The following LEKR1 variants were observed in gnomAD, a reference collection of about 807,000 sequenced individuals.
LEKR1 encodes protein LEKR1.
A neutral mutation model predicts 72.4 loss-of-function variants in LEKR1; 59 were observed. The observed-to-expected ratio is 0.82, with a 90% confidence interval of 0.66 to 1.01. The LOEUF (loss-of-function observed/expected upper bound fraction) is 1.01. LEKR1 is among the 50% of genes least tolerant of loss of function. The probability of loss-of-function intolerance (pLI) is 0.00; values close to 1 mark genes in which losing one functional copy is unlikely to be tolerated. For missense variants in LEKR1, 728 were observed against 759.2 expected (o/e 0.96, Z 0.48); for synonymous variants, 257 against 263.2 (o/e 0.98, Z 0.23).
intron 2 of LEKR1, among the ~76,000 whole-genome samples, chr3:156,850,709 T>C (rs1339077714): frequency 6.6e-6 from 1 of 152,214 alleles, no homozygotes; most frequent in Non-Finnish European, 1.5e-5. Context: ...AGCTTGGGCT[T>C]GGTTCTTCTG....
chr3:157,020,908 G>T (rs1360168836), intron 10 of LEKR1, among the ~76,000 whole-genome samples: 1 of 150,846 alleles, frequency 6.6e-6, no homozygotes, highest in Non-Finnish European at 1.5e-5. Context: ...GTGTAAAAGG[G>T]TTCCTATTTC....
chr3:156,872,140 G>T (rs1255187463), intron 3 of LEKR1, among the ~76,000 whole-genome samples: 3 of 151,590 alleles, frequency 2.0e-5, no homozygotes, highest in African/African-American at 7.3e-5. Flanking sequence ...GGTCTGTTCA[G>T]ATTTTCCATT....
At chr3:156,898,307 C>A (rs532855255) in intron 3 of LEKR1, among the ~76,000 whole-genome samples, 38 of 152,138 alleles carry the variant, frequency 2.5e-4, no homozygotes, top group African/African-American at 8.7e-4. Context: ...TTAAATAAAA[C>A]CCATCTGATG....
chr3:157,035,571 G>A (rs1441461654), intron 12 of LEKR1, among the ~76,000 whole-genome samples: 1 of 152,070 alleles, frequency 6.6e-6, no homozygotes, highest in Non-Finnish European at 1.5e-5. Flanking sequence ...AAAAGAAATT[G>A]GAAGAGCCCC....
chr3:156,932,730 CTA>C (rs1235409915), intron 5 of LEKR1, among the ~76,000 whole-genome samples: 2 of 130,670 alleles, frequency 1.5e-5, no homozygotes, highest in African/African-American at 5.7e-5. Flanking sequence ...AAAAGGGTAT[CTA>C]TGTTATTAAA....
chr3:156,862,504 C>T (rs775492900), intron 3 of LEKR1, among the ~76,000 whole-genome samples: 2 of 151,980 alleles, frequency 1.3e-5, no homozygotes, highest in East Asian at 3.9e-4. Context: ...GTAAAATGGA[C>T]GGAGAAAGAG....
intron 6 of LEKR1, among the ~76,000 whole-genome samples, chr3:156,965,001 G>C (rs1728443488): frequency 1.3e-5 from 2 of 151,916 alleles, no homozygotes; most frequent in South Asian, 4.1e-4. Context: ...ACTCTAGGCT[G>C]TCCGTATCCA....
intron 7 of LEKR1, among the ~76,000 whole-genome samples, chr3:156,988,993 G>T (rs1454131499): frequency 6.6e-6 from 1 of 151,780 alleles, no homozygotes; most frequent in Non-Finnish European, 1.5e-5. Flanking sequence ...CACCACACCC[G>T]GCTAATTTTT....
At chr3:156,962,144 G>A (rs1428507952) in intron 6 of LEKR1, among the ~76,000 whole-genome samples, 1 of 152,140 alleles carries the variant, frequency 6.6e-6, no homozygotes, top group Non-Finnish European at 1.5e-5. Flanking sequence ...CGTCTGTATG[G>A]CAGATAGAGA....
chr3:157,002,146 A>G (rs948370054), intron 9 of LEKR1, among the ~76,000 whole-genome samples: 10 of 152,218 alleles, frequency 6.6e-5, no homozygotes, highest in South Asian at 4.1e-4. Context: ...GTCGTTTCCT[A>G]TAATTCTAAA....
chr3:156,985,751 C>T (rs2108004053), intron 7 of LEKR1, among the ~76,000 whole-genome samples: 1 of 151,260 alleles, frequency 6.6e-6, no homozygotes, highest in East Asian at 1.9e-4. Context: ...ACAAGAATCT[C>T]TTGAAACCTG....
At chr3:156,849,962 T>G (rs985209603) in intron 2 of LEKR1, among the ~76,000 whole-genome samples, 1 of 151,794 alleles carries the variant, frequency 6.6e-6, no homozygotes, top group African/African-American at 2.4e-5. Flanking sequence ...ACCATCAGAG[T>G]GAACAGGCAA....
intron 3 of LEKR1, among the ~76,000 whole-genome samples, chr3:156,909,404 T>G (rs535423381): frequency 6.6e-6 from 1 of 152,108 alleles, no homozygotes; most frequent in East Asian, 1.9e-4. Context: ...GCAATCCCAG[T>G]ACTTTGGGAG....
intron 2 of LEKR1, among the ~76,000 whole-genome samples, chr3:156,836,511 C>G (rs1283239597): frequency 3.9e-5 from 6 of 152,186 alleles, no homozygotes; most frequent in Admixed American, 3.3e-4. Flanking sequence ...GTTAAGCCAA[C>G]TTTTAACCAT....
intron 2 of LEKR1, among the ~76,000 whole-genome samples, chr3:156,844,297 AT>A (rs1714297251): frequency 6.6e-6 from 1 of 152,062 alleles, no homozygotes; most frequent in Admixed American, 6.5e-5. Flanking sequence ...TAAACTTCTT[AT>A]TTTGAGATAA....
chr3:156,882,754 A>G (rs62275241), intron 3 of LEKR1, among the ~76,000 whole-genome samples: 8 of 152,210 alleles, frequency 5.3e-5, no homozygotes, highest in Non-Finnish European at 1.0e-4. Flanking sequence ...AACCAAGCCA[A>G]ATGTCCAACA....
At chr3:156,984,724 G>T (rs941352266) in intron 7 of LEKR1, among the ~76,000 whole-genome samples, 2 of 151,988 alleles carry the variant, frequency 1.3e-5, no homozygotes, top group African/African-American at 4.8e-5. Context: ...CCTCTGTAAT[G>T]TACTTACACT....
intron 12 of LEKR1, among the ~76,000 whole-genome samples, chr3:157,031,390 G>A (rs932645218): frequency 1.3e-5 from 2 of 152,056 alleles, no homozygotes; most frequent in Non-Finnish European, 2.9e-5. Context: ...ATACTTAGGG[G>A]GGCAATTTCC....
chr3:157,021,929 T>A (rs1733869862), intron 10 of LEKR1, among the ~76,000 whole-genome samples: 1 of 152,174 alleles, frequency 6.6e-6, no homozygotes, highest in Non-Finnish European at 1.5e-5. Context: ...ATTAATATTA[T>A]ACCTTCCAAT....
Sources: allele counts gnomAD v4.1 joint callset (sites outside exome capture counted in the v4.1 genomes callset), GRCh38; gene constraint gnomAD v4.1.1; transcripts MANE v1.5; gene names NCBI Gene and HGNC (gene_info 2026-07-23, HGNC 2026-07-21).